The following SFXN3 variants were observed in gnomAD, a reference collection of about 807,000 sequenced individuals.
SFXN3 encodes sideroflexin 3.
In SFXN3, 31 loss-of-function variants were observed where a neutral mutation model predicts 40.4. The ratio of observed to expected loss-of-function variants is 0.77; its 90% CI spans 0.58 to 1.04. The LOEUF (loss-of-function observed/expected upper bound fraction) is 1.04. SFXN3 is among the 50% of genes least tolerant of loss of function. The pLI, the probability that SFXN3 is intolerant of heterozygous loss-of-function variation, is 0.00. For synonymous variants in SFXN3, 157 were observed against 160.0 expected (o/e 0.98, Z 0.14); for missense variants, 366 against 408.2 (o/e 0.90, Z 0.89).
chr10:101,033,510 A>T (rs537751273), intron 2 of SFXN3, among the ~76,000 whole-genome samples: 1 of 152,006 alleles, frequency 6.6e-6, no homozygotes, highest in Non-Finnish European at 1.5e-5. Flanking sequence ...GCTCCTCCCC[A>T]CACCCTTGCT....
chr10:101,032,489 G>A lies in SFXN3; in HGVS notation c.-4+7G>A. On this transcript the variant is annotated splice_region_variant and intron_variant, in intron 2 of 11. Coordinates refer to ENST00000393459, the Ensembl canonical transcript of SFXN3. ...TCAGAGAGCGATGGAAAGCGTAAGT[G>A]CTCGCTCTCCCCGGCGGGCGGGGTT... 1 of 1,542,570 alleles carries A rather than the reference G, an allele frequency of 6.5e-7. No individual in the cohort carries two copies. Among genetic ancestry groups the A allele is most frequent in the Non-Finnish European group, 8.7e-7 (1 of 1,144,578 alleles).
At position 101,032,968 on chromosome 10, in the gene SFXN3, G is replaced by C. The variant is rs945833791; in HGVS notation, c.-4+486G>C. Among the ~76,000 whole-genome samples, 7 of 152,222 alleles carry C rather than the reference G, an allele frequency of 4.6e-5. 1 individual carries two copies. Among genetic ancestry groups the C allele is most frequent in the African/African-American group, 7.2e-5 (3 of 41,446 alleles). On this transcript the variant is annotated intron_variant, in intron 2 of 11. Coordinates refer to ENST00000393459, the Ensembl canonical transcript of SFXN3. ...CTCTTATCCGGAGGCAAGTGGCCCA[G>C]AGAGAGGTGGATGAGTGTCTGTGCC...
rs1938771420 is a variant in SFXN3 at position 101,039,175 on chromosome 10, C to T, written c.822C>T (p.Cys274=). 2 of 1,609,876 alleles carry T rather than the reference C, an allele frequency of 1.2e-6. No individual in the cohort carries two copies. The highest frequency in any genetic ancestry group is 3.3e-5 in the Admixed American group (2 of 59,784). ...CCTTTCCAACACTTGTCTCCCCCAG[C>T]CTGGTATTTGCAACCCCCCTGTGCT... is the stretch of plus-strand genomic sequence containing the variant. The change falls in exon 11 of 12, where the codon TGC becomes TGT. Residue 274 remains cysteine (C), a splice_region_variant and synonymous_variant. Transcript: ENST00000393459. The surrounding 1 kb of genome is among the most constrained non-coding windows in gnomAD (Gnocchi z 4.6).
chr10:101,038,489 G>T (rs926212442), intron 9 of SFXN3, 154 bp from the exon 10 acceptor site: 1 of 1,500,208 alleles, frequency 6.7e-7, no homozygotes, highest in Non-Finnish European at 8.9e-7. Flanking sequence ...TGATCTGGAG[G>T]TCCCAGCCCT....
At position 101,032,064 on chromosome 10, in the gene SFXN3, C is replaced by T. The variant is rs547177038; in HGVS notation, c.-172-250C>T. On this transcript the variant is annotated intron_variant, in intron 1 of 11. Transcript: ENST00000393459. ...AGCAGAGGACCGCCCCTCCACACCG[C>T]CCACCTGCGCCCGGGGCTTTCTCTC... The T allele has an allele frequency of 1.3e-4, 25 of 199,066 alleles. No homozygotes were observed. In the South Asian group the frequency reaches 4.3e-3, roughly 34 times the overall value. The allele number at this position is 199,066 out of a possible 1,614,324, so 12.3% of individuals were successfully genotyped here.
At chr10:101,033,900 G>A (rs187549640) in intron 2 of SFXN3, among the ~76,000 whole-genome samples, 8 of 152,096 alleles carry the variant, frequency 5.3e-5, no homozygotes, top group African/African-American at 1.2e-4. Flanking sequence ...ACATCTCAGC[G>A]GAGTAAAGAA....
intron 2 of SFXN3, among the ~76,000 whole-genome samples, chr10:101,034,252 C>T (rs1234716082): frequency 6.6e-6 from 1 of 152,084 alleles, no homozygotes; most frequent in Non-Finnish European, 1.5e-5. Context: ...TAATTGTGCC[C>T]CTGGTTTATT....
At chr10:101,037,256 C>A (rs1938663515) in intron 8 of SFXN3, 53 bp downstream of exon 8, 1 of 1,613,240 alleles carries the variant, frequency 6.2e-7, no homozygotes, top group Non-Finnish European at 8.5e-7. Context: ...GAAGCAGGTG[C>A]AGTTCTCAGG....
chr10:101,034,941 T>G (rs1012409784), intron 3 of SFXN3, 86 bp downstream of exon 3: 15 of 1,505,394 alleles, frequency 1.0e-5, no homozygotes, highest in Non-Finnish European at 1.3e-5. Context: ...CTCCTCAAGC[T>G]TGACAGTGAC....
At position 101,034,715 on chromosome 10, in the gene SFXN3, C is replaced by T. The variant is rs137882352; in HGVS notation, c.21C>T (p.Asp7=). ...AGAAAATGGGTGAATTGCCTTTAGACATCAACATCCAGGAACCTCGCTGGG... is the reference window on the plus strand; with the variant it reads ...AGAAAATGGGTGAATTGCCTTTAGATATCAACATCCAGGAACCTCGCTGGG... The change falls in exon 3 of 12, where the codon GAC becomes GAT. Residue 7 remains aspartate, a synonymous_variant. Transcript: ENST00000393459. 7 of 1,614,112 alleles carry T rather than the reference C, an allele frequency of 4.3e-6. No individual in the cohort carries two copies. The African/African-American group carries it at 5.3e-5, about 12-fold the overall frequency.
At chr10:101,032,003 A>G (rs762704036) in intron 1 of SFXN3, 8 of 164,238 alleles carry the variant, frequency 4.9e-5, no homozygotes, top group Non-Finnish European at 9.2e-5. Context: ...TCAAGTAAAC[A>G]AGCCAGGCGG....
rs1938800897 is a variant in SFXN3, at chr10:101,039,561, G to A, written c.942G>A (p.Val314=). The change falls in exon 12 of 12, where the codon GTG becomes GTA. Residue 314 remains valine, a synonymous_variant. Transcript: ENST00000393459. This position sits in a 1 kb window ranked among gnomAD's most constrained non-coding sequence, Gnocchi z 4.6. ...ATGAGCAAAACCCCAGCGTTGAAGT[G>A]GTCTACTACAACAAGGGGCTTTGAG... is the stretch of plus-strand genomic sequence containing the variant. 2.5e-6 allele frequency: 4 copies of A among 1,613,970 alleles called. No homozygotes were observed. The highest frequency in any genetic ancestry group is 1.1e-5 in the South Asian group (1 of 91,082).
rs1938593774 is a variant in SFXN3, at chr10:101,036,191, T to C, written c.431+90T>C. The C allele has an allele frequency of 8.8e-7, 1 of 1,139,918 alleles. No individual in the cohort carries two copies. The highest frequency in any genetic ancestry group is 2.4e-5 in the East Asian group (1 of 41,908). The allele number at this position is 1,139,918 out of a possible 1,614,324, so 70.6% of individuals were successfully genotyped here. A position where few individuals can be genotyped will look rare whatever the true frequency, so the allele number is the denominator to read the frequency against. ...GCCCTCTCCTTTCTCTCCGGTTCCCTGTGGACCATGCAGCCAGTGCTCAGC... is the reference window on the plus strand; with the variant it reads ...GCCCTCTCCTTTCTCTCCGGTTCCCCGTGGACCATGCAGCCAGTGCTCAGC... On this transcript the variant is annotated intron_variant, in intron 5 of 11. Transcript: ENST00000393459. This position sits in a 1 kb window ranked among gnomAD's most constrained non-coding sequence, Gnocchi z 4.2.
At chr10:101,037,231 T>C in intron 8 of SFXN3, 28 bp downstream of exon 8, 9 of 1,613,258 alleles carry the variant, frequency 5.6e-6, no homozygotes, top group Non-Finnish European at 7.6e-6. Flanking sequence ...GGGTGGGGCA[T>C]AGGAGACTCT....
chr10:101,031,807 C>A (rs1378129512), intron 1 of SFXN3, among the ~76,000 whole-genome samples: 1 of 151,910 alleles, frequency 6.6e-6, no homozygotes, highest in African/African-American at 2.4e-5. Flanking sequence ...AGACCAGGGA[C>A]ACAGTGGAGC....
intron 2 of SFXN3, among the ~76,000 whole-genome samples, chr10:101,032,693 G>A (rs1478877188): frequency 4.6e-5 from 7 of 152,164 alleles, no homozygotes; most frequent in Admixed American, 3.9e-4. Flanking sequence ...CACAGTGTGC[G>A]CCTGTAAAGG....
chr10:101,035,608 C>T (rs1477652021), exon 4 of SFXN3: 4 of 1,614,024 alleles, frequency 2.5e-6, no homozygotes, highest in Non-Finnish European at 3.4e-6. Flanking sequence ...TGATTGGCCG[C>T]ATGTCAGCCC....
rs142069908 is a variant in SFXN3 at position 101,039,554 on chromosome 10, T to C, written c.935T>C (p.Val312Ala). The stretch of plus-strand genomic sequence containing the variant: ...CAGATCCATGAGCAAAACCCCAGCG[T>C]TGAAGTGGTCTACTACAACAAGGGG... The change falls in exon 12 of 12, where the codon GTT becomes GCT. Residue 312 changes from valine (V) to alanine (A), a missense_variant. Transcript: ENST00000393459. The surrounding 1 kb of genome is among the most constrained non-coding windows in gnomAD (Gnocchi z 4.6). 3.1e-6 allele frequency: 5 copies of C among 1,614,074 alleles called. No homozygotes were observed. The highest frequency in any genetic ancestry group is 4.2e-6 in the Non-Finnish European group (5 of 1,179,984).
chr10:101,038,759 T>G lies in SFXN3; in HGVS notation c.821+67T>G, dbSNP rs73331810. 4,030 of 1,599,462 alleles carry G rather than the reference T, an allele frequency of 2.5e-3. 89 individuals are homozygous for G. In the African/African-American group the frequency reaches 0.047, roughly 19 times the overall value. On this transcript the variant is annotated intron_variant, in intron 10 of 11. Coordinates refer to ENST00000393459, the Ensembl canonical transcript of SFXN3. ...TGTCCATGGTGGATGTGGGTGGGTATGGATTGTCTTTAAGATGTTTATAGA... is the reference window on the plus strand; with the variant it reads ...TGTCCATGGTGGATGTGGGTGGGTAGGGATTGTCTTTAAGATGTTTATAGA...
Sources: gnomAD v4.1 joint callset for allele counts (sites outside exome capture counted in the v4.1 genomes callset) on GRCh38, gnomAD v4.1.1 for gene constraint, Gnocchi (gnomAD v3.1) non-coding constraint, MANE v1.5 for transcripts, NCBI Gene and HGNC (gene_info 2026-07-23, HGNC 2026-07-21) for gene names.